The following ZBTB8B variants were observed in gnomAD, a reference collection of about 807,000 sequenced individuals.
ZBTB8B encodes the protein zinc finger and BTB domain containing 8B.
ZBTB8B carries 17 observed loss-of-function variants against 30.3 expected under a neutral mutation model. That is an observed-to-expected ratio of 0.56 (90% CI 0.38 to 0.84). The LOEUF (loss-of-function observed/expected upper bound fraction) is 0.84, where lower values mean the gene tolerates loss of function less well. Among genes scored for constraint, ZBTB8B ranks in the 40% least tolerant of loss-of-function variants. The pLI is 0.00. For missense variants in ZBTB8B, 515 were observed against 644.9 expected (o/e 0.80, Z 2.18); for synonymous variants, 248 against 255.6 (o/e 0.97, Z 0.28).
chr1:32,474,286 T>C (rs1393674016), intron 2 of ZBTB8B, among the ~76,000 whole-genome samples: 1 of 132,776 alleles, frequency 7.5e-6, no homozygotes, highest in Non-Finnish European at 1.5e-5. Flanking sequence ...GAGGGAGGAT[T>C]GCTTGAGCCC....
chr1:32,467,837 G>A (rs1440967405), intron 1 of ZBTB8B, among the ~76,000 whole-genome samples: 3 of 151,764 alleles, frequency 2.0e-5, no homozygotes, highest in Admixed American at 6.6e-5. Context: ...CAGAGGCCAG[G>A]TGTGGTGTCT....
In ZBTB8B at chr1:32,495,640, C is replaced by T. The variant is rs529367714; in HGVS notation, c.*10222C>T. On this transcript the variant is annotated 3_prime_UTR_variant, in exon 4 of 4. Transcript: ENST00000609129. ...AATACAATTTAACTATTTTCTGTAC[C>T]GTCCCAAATTTGAAGCTGACCTGAA... The T allele has an allele frequency of 3.3e-5, 5 of 152,128 alleles. No individual in the cohort carries two copies. The highest frequency in any genetic ancestry group is 7.2e-5 in the African/African-American group (3 of 41,498). 9.4% of individuals were successfully genotyped at this position (152,128 alleles called of 1,614,324 possible). A position where few individuals can be genotyped will look rare whatever the true frequency, so the allele number is the denominator to read the frequency against.
Position 32,489,621 on chromosome 1 carries a change from G to C in ZBTB8B, c.*4203G>C, listed in dbSNP as rs1027440474. On this transcript the variant is annotated 3_prime_UTR_variant, in exon 4 of 4. Coordinates refer to ENST00000609129, the MANE Select transcript of ZBTB8B (RefSeq NM_001145720.2). ...CCCAACACAGACCGTTAGTGGTTTA[G>C]TTTCTATTCTGGCACATTCCACCCA... is the stretch of plus-strand genomic sequence containing the variant. 3.9e-5 allele frequency: 6 copies of C among 152,146 alleles called. No homozygotes were observed. Among genetic ancestry groups the C allele is most frequent in the Non-Finnish European group, 7.4e-5 (5 of 68,020 alleles). 9.4% of individuals were successfully genotyped at this position (152,146 alleles called of 1,614,324 possible).
rs932221583 is a variant in ZBTB8B at position 32,476,097 on chromosome 1, T to A, written c.991+4482T>A. Among the ~76,000 whole-genome samples, 22 of 151,728 alleles carry A rather than the reference T, an allele frequency of 1.4e-4. 1 individual carries two copies. The highest frequency in any genetic ancestry group is 5.3e-4 in the African/African-American group (22 of 41,272). On this transcript the variant is annotated intron_variant, in intron 2 of 3. Coordinates refer to ENST00000609129, the MANE Select transcript of ZBTB8B (RefSeq NM_001145720.2). Reference sequence around the variant, plus strand: ...CCTCCTAAAGTGCTGGGATTACAGGTGTGAGCTGCTGTGCCTGGCCAGGTT... The same window carrying A: ...CCTCCTAAAGTGCTGGGATTACAGGAGTGAGCTGCTGTGCCTGGCCAGGTT...
At chr1:32,477,478 T>C (rs961318210) in intron 2 of ZBTB8B, among the ~76,000 whole-genome samples, 3 of 152,208 alleles carry the variant, frequency 2.0e-5, no homozygotes, top group African/African-American at 7.2e-5. Context: ...TATGTTTTTG[T>C]AGATAATCAG....
Position 32,465,517 on chromosome 1 carries a change from A to T in ZBTB8B, c.-42+412A>T, listed in dbSNP as rs1159415430. 9.9e-5 allele frequency among the ~76,000 whole-genome samples: 15 copies of T among 152,208 alleles called. No individual in the cohort carries two copies. Among genetic ancestry groups the T allele is most frequent in the Non-Finnish European group, 7.3e-5 (5 of 68,038 alleles). On this transcript the variant is annotated intron_variant, in intron 1 of 3. Coordinates refer to ENST00000609129, the MANE Select transcript of ZBTB8B (RefSeq NM_001145720.2). This position sits in a 1 kb window ranked among gnomAD's most constrained non-coding sequence, Gnocchi z 4.1. The stretch of plus-strand genomic sequence containing the variant: ...CCCACCCTCGGGGGCCGTGCCCTGT[A>T]GCTGGTTCTGGTGGCCTCTCTGCAG...
At chr1:32,468,993 C>A (rs899510976) in intron 1 of ZBTB8B, among the ~76,000 whole-genome samples, 7 of 152,036 alleles carry the variant, frequency 4.6e-5, no homozygotes, top group Non-Finnish European at 1.0e-4. Flanking sequence ...AGCTTGAGAC[C>A]AGCCTAGGAA....
rs1363944549 is a variant in ZBTB8B at position 32,492,168 on chromosome 1, G to A, written c.*6750G>A. 2.0e-5 allele frequency: 3 copies of A among 152,110 alleles called. No homozygotes were observed. Among genetic ancestry groups the A allele is most frequent in the African/African-American group, 7.2e-5 (3 of 41,398 alleles). 9.4% of individuals were successfully genotyped at this position (152,110 alleles called of 1,614,324 possible). On this transcript the variant is annotated 3_prime_UTR_variant, in exon 4 of 4. Coordinates refer to ENST00000609129, the MANE Select transcript of ZBTB8B (RefSeq NM_001145720.2). ...TATCCTTTGGTGTCACTCATAATAG[G>A]TGAGTATAGTATGTCGTACTGTAGG...
chr1:32,483,244 C>CAAAAAAAAAAAAAAAAAAA lies in ZBTB8B; in HGVS notation c.1171-1844_1171-1826dup, dbSNP rs59559091. Among the ~76,000 whole-genome samples, 14 of 56,384 alleles carry CAAAAAAAAAAAAAAAAAAA rather than the reference C, an allele frequency of 2.5e-4. 7 individuals carry two copies. The highest frequency in any genetic ancestry group is 6.3e-4 in the African/African-American group (6 of 9,500). 37.0% of individuals were successfully genotyped at this position (56,384 alleles called of 152,430 possible). On this transcript the variant is annotated intron_variant, in intron 3 of 3. Coordinates refer to ENST00000609129, the MANE Select transcript of ZBTB8B (RefSeq NM_001145720.2). ...CGAAACCCCTTATCTACTAAAAATC[C>CAAAAAAAAAAAAAAAAAAA]AAAAAAAAAAAAAAAAAAAAAAAAA...
intron 2 of ZBTB8B, among the ~76,000 whole-genome samples, chr1:32,479,247 G>A (rs568596220): frequency 1.3e-5 from 2 of 152,260 alleles, no homozygotes; most frequent in East Asian, 1.9e-4. Context: ...ATCTCGGGCC[G>A]GGCATGGTGG....
At chr1:32,467,882 G>T (rs1194450510) in intron 1 of ZBTB8B, among the ~76,000 whole-genome samples, 1 of 151,916 alleles carries the variant, frequency 6.6e-6, no homozygotes, top group Non-Finnish European at 1.5e-5. Flanking sequence ...GGAGGCTGAG[G>T]GGGGCAGATC....
rs970240829 is a variant in ZBTB8B at position 32,470,819 on chromosome 1, C to T, written c.195C>T (p.Thr65=). 22 of 1,551,722 alleles carry T rather than the reference C, an allele frequency of 1.4e-5. No individual in the cohort carries two copies. The Admixed American group carries it at 1.8e-4, about 12-fold the overall frequency. The part of the protein sequence containing the change: ...HYIQDSGRHS[T]ASLDIVTSDA... ...TCCAGGACAGCGGGCGGCATAGCACCGCCTCCTTGGACATTGTCACCTCTG... is the reference window on the plus strand; with the variant it reads ...TCCAGGACAGCGGGCGGCATAGCACTGCCTCCTTGGACATTGTCACCTCTG... Residue 65 remains threonine (T), a synonymous_variant, in exon 2 of 4, where the codon ACC becomes ACT. Transcript: ENST00000609129.
In ZBTB8B at chr1:32,465,474, G is replaced by A. The variant is rs1643564062; in HGVS notation, c.-42+369G>A. Among the ~76,000 whole-genome samples the A allele has an allele frequency of 6.6e-6, 1 of 152,032 alleles. No individual in the cohort carries two copies. The highest frequency in any genetic ancestry group is 6.5e-5 in the Admixed American group (1 of 15,292). ...ACTTTGTCCGCGGGAGGCCATGGGA[G>A]GGGCTAGGCCTTGGGGTCCCACCCT... On this transcript the variant is annotated intron_variant, in intron 1 of 3. Transcript: ENST00000609129. This position sits in a 1 kb window ranked among gnomAD's most constrained non-coding sequence, Gnocchi z 4.1.
chr1:32,472,788 T>C (rs933030658), intron 2 of ZBTB8B, among the ~76,000 whole-genome samples: 3 of 152,226 alleles, frequency 2.0e-5, no homozygotes, highest in Non-Finnish European at 2.9e-5. Flanking sequence ...AGCTAGTTTT[T>C]GTATTTTCAG....
rs1643612244 is a variant in ZBTB8B at position 32,470,864 on chromosome 1, A to G, written c.240A>G (p.Leu80=). Residue 80 remains leucine (L), a synonymous_variant, in exon 2 of 4, where the codon TTA becomes TTG. Coordinates refer to ENST00000609129, the MANE Select transcript of ZBTB8B (RefSeq NM_001145720.2). ...IVTSDAFSII[L]DFLYSGKLDL... ...CCTCTGATGCCTTCTCCATCATCTT[A>G]GATTTCCTCTATTCTGGGAAGTTGG... The G allele has an allele frequency of 5.2e-6, 8 of 1,551,828 alleles. No homozygotes were observed. Among genetic ancestry groups the G allele is most frequent in the Middle Eastern group, 1.7e-4 (1 of 6,014 alleles).
chr1:32,470,482 A>C, intron 1 of ZBTB8B, 102 bp from the exon 2 acceptor site: 1 of 1,181,510 alleles, frequency 8.5e-7, no homozygotes, highest in Non-Finnish European at 1.1e-6. Flanking sequence ...CCTGGGCAAC[A>C]GAGCAAGACG....
In ZBTB8B at chr1:32,494,573, G is replaced by T. The variant is rs1643803066; in HGVS notation, c.*9155G>T. 6.6e-6 allele frequency: 1 copy of T among 151,804 alleles called. No homozygotes were observed. Among genetic ancestry groups the T allele is most frequent in the South Asian group, 2.1e-4 (1 of 4,808 alleles). The allele number at this position is 151,804 out of a possible 1,614,324, so 9.4% of individuals were successfully genotyped here. ...GGGAAATCACATTTTGAGCATGGGG[G>T]AGTTAATTTCTTTGTCCTGTAATAC... On this transcript the variant is annotated 3_prime_UTR_variant, in exon 4 of 4. Coordinates refer to ENST00000609129, the MANE Select transcript of ZBTB8B (RefSeq NM_001145720.2).
chr1:32,471,279 A>T lies in ZBTB8B; in HGVS notation c.655A>T (p.Asn219Tyr), dbSNP rs941324552. ...CCTTGGCGGTGGCTCGGCTGACAGC[A>T]ACCTCTCTACTCCACCCAAACGGAT... ...DSLGGGSADS[N>Y]LSTPPKRIEP... The change falls in exon 2 of 4, where the codon AAC (asparagine) becomes TAC (tyrosine). Residue 219 changes from asparagine (N) to tyrosine (Y), a missense_variant. Around this residue, in one of 3 missense-constraint regions of ZBTB8B, gnomAD observed 429 missense variants for 504.3 expected, o/e 0.85. Transcript: ENST00000609129. The T allele has an allele frequency of 3.9e-6, 6 of 1,551,648 alleles. No individual in the cohort carries two copies. In the African/African-American group the frequency reaches 6.8e-5, roughly 18 times the overall value.
At chr1:32,474,925 A>G (rs1011999273) in intron 2 of ZBTB8B, among the ~76,000 whole-genome samples, 1 of 152,206 alleles carries the variant, frequency 6.6e-6, no homozygotes, top group African/African-American at 2.4e-5. Flanking sequence ...TTTTTCTTTG[A>G]ACCCCTCTGC....
Sources: gnomAD v4.1 joint callset for allele counts (sites outside exome capture counted in the v4.1 genomes callset) on GRCh38, gnomAD v4.1.1 for gene constraint, gnomAD v4.1.1 regional missense constraint, Gnocchi (gnomAD v3.1) non-coding constraint, MANE v1.5 for transcripts, NCBI Gene and HGNC (gene_info 2026-07-23, HGNC 2026-07-21) for gene names.